TRIM33: variants seen among roughly 807,000 people sequenced by gnomAD.
The protein encoded by TRIM33 is E3 ubiquitin-protein ligase TRIM33.
In TRIM33, 20 loss-of-function variants were observed where a neutral mutation model predicts 125.4. The ratio of observed to expected loss-of-function variants is 0.16; its 90% CI spans 0.11 to 0.23. The LOEUF is 0.23. Among genes scored for constraint, TRIM33 ranks in the 10% least tolerant of loss-of-function variants. The pLI is 1.00. For missense variants in TRIM33, 920 were observed against 1,411.4 expected (o/e 0.65, Z 5.58); for synonymous variants, 564 against 513.9 (o/e 1.10, Z -1.32).
Position 114,397,405 on chromosome 1 carries a change from C to G in TRIM33, c.*243G>C, listed in dbSNP as rs1259504216. On this transcript the variant is annotated 3_prime_UTR_variant, in exon 20 of 20. Transcript: ENST00000358465. ...TCCATTAGAACAGAAATCCTCAAAT[C>G]ATTTCACTTTTGCTTTTTGCTTTGA... 5.9e-6 allele frequency: 3 copies of G among 512,058 alleles called. No homozygotes were observed. Among genetic ancestry groups the G allele is most frequent in the Non-Finnish European group, 1.0e-5 (3 of 289,734 alleles). The allele number at this position is 512,058 out of a possible 1,614,324, so 31.7% of individuals were successfully genotyped here. A position where few individuals can be genotyped will look rare whatever the true frequency, so the allele number is the denominator to read the frequency against.
In TRIM33 at chr1:114,402,853, A is replaced by C. The variant is rs1347919547; in HGVS notation, c.2799T>G (p.Asp933Glu). 1 of 1,614,042 alleles carries C rather than the reference A, an allele frequency of 6.2e-7. No homozygotes were observed. The highest frequency in any genetic ancestry group is 8.5e-7 in the Non-Finnish European group (1 of 1,179,972). Reference sequence around the variant, plus strand: ...CATATTCAACTTCTGGCTTTCCAATATCTCTACAAAATGTGCATATCCAGT... The same window carrying C: ...CATATTCAACTTCTGGCTTTCCAATCTCTCTACAAAATGTGCATATCCAGT... ...SGDWICTFCR[D>E]IGKPEVEYDC... is the part of the protein sequence containing the mutation. The change falls in exon 16 of 20, where the codon GAT (aspartate) becomes GAG (glutamate). Residue 933 changes from aspartate to glutamate, a missense_variant. Asp to Glu is a conservative substitution (Grantham distance 45). Transcript: ENST00000358465.
chr1:114,399,529 T>C lies in TRIM33; in HGVS notation c.3048A>G (p.Gln1016=), dbSNP rs762349295. ...CAAAGTCATCCGGGATTTGGTAGTG[T>C]TGGGAATGTTTTTTCTGAAGCTTCT... ...VKKKLQKKHS[Q]HYQIPDDFVA... The change falls in exon 18 of 20, where the codon CAA becomes CAG. Residue 1016 remains glutamine (Q), a synonymous_variant. Transcript: ENST00000358465. 8.1e-6 allele frequency: 13 copies of C among 1,613,296 alleles called. No individual in the cohort carries two copies. In the Admixed American group the frequency reaches 1.3e-4, roughly 17 times the overall value.
At chr1:114,450,480 C>T (rs756900355) in intron 4 of TRIM33, among the ~76,000 whole-genome samples, 2 of 152,162 alleles carry the variant, frequency 1.3e-5, no homozygotes, top group Non-Finnish European at 2.9e-5. Context: ...TACAAGCATG[C>T]ACCACCACAC....
chr1:114,499,153 G>A lies in TRIM33; in HGVS notation c.526+11398C>T, dbSNP rs377389602. ...GTTTTAACCCAGAATTTCATATCCAGCCAAGCTATCATTTAAGAAGGGAGT... is the reference window on the plus strand; with the variant it reads ...GTTTTAACCCAGAATTTCATATCCAACCAAGCTATCATTTAAGAAGGGAGT... On this transcript the variant is annotated intron_variant, in intron 1 of 19. Transcript: ENST00000358465. 1.9e-4 allele frequency among the ~76,000 whole-genome samples: 29 copies of A among 152,244 alleles called. 1 individual carries two copies. The highest frequency in any genetic ancestry group is 3.4e-3 in the Middle Eastern group (1 of 294).
At chr1:114,492,859 C>T (rs1243414399) in intron 1 of TRIM33, among the ~76,000 whole-genome samples, 1 of 152,174 alleles carries the variant, frequency 6.6e-6, no homozygotes, top group East Asian at 1.9e-4. Flanking sequence ...GTGAATAATG[C>T]TGCAATTAAT....
chr1:114,481,920 A>G (rs1651384652), intron 1 of TRIM33, among the ~76,000 whole-genome samples: 2 of 151,836 alleles, frequency 1.3e-5, no homozygotes, highest in South Asian at 4.2e-4. Flanking sequence ...CACCATGCCC[A>G]GCTAATATTT....
At chr1:114,435,714 T>C (rs1648234517) in intron 4 of TRIM33, among the ~76,000 whole-genome samples, 1 of 151,772 alleles carries the variant, frequency 6.6e-6, no homozygotes, top group African/African-American at 2.4e-5. Flanking sequence ...AAAATATACG[T>C]AGTAAAATTT....
intron 1 of TRIM33, among the ~76,000 whole-genome samples, chr1:114,486,546 CA>C (rs372795084): frequency 0.021 from 1,367 of 65,236 alleles, 7 homozygotes; most frequent in South Asian, 0.071. Flanking sequence ...GACCCTATCT[CA>C]AAAAAAAAAA....
rs777546366 is a variant in TRIM33, at chr1:114,399,495, C to T, written c.3082G>A (p.Val1028Ile). Reference sequence around the variant, plus strand: ...TCACAGTTCTTGAAGATCAAACGGACATCGGCCACAAAGTCATCCGGGATT... The same window carrying T: ...TCACAGTTCTTGAAGATCAAACGGATATCGGCCACAAAGTCATCCGGGATT... ...YQIPDDFVAD[V>I]RLIFKNCERF... The change falls in exon 18 of 20, where the codon GTC (valine) becomes ATC (isoleucine). Residue 1028 changes from valine to isoleucine, a missense_variant. By Grantham distance (29) the Val-to-Ile change is conservative. Around this residue, in one of 8 missense-constraint regions of TRIM33, gnomAD observed 122 missense variants for 236.8 expected, o/e 0.52. Coordinates refer to ENST00000358465, the MANE Select transcript of TRIM33 (RefSeq NM_015906.4). The T allele has an allele frequency of 1.9e-6, 3 of 1,613,732 alleles. No individual in the cohort carries two copies. Among genetic ancestry groups the T allele is most frequent in the East Asian group, 2.2e-5 (1 of 44,838 alleles).
intron 1 of TRIM33, among the ~76,000 whole-genome samples, chr1:114,488,897 CCA>C (rs1281115316): frequency 1.3e-5 from 2 of 152,146 alleles, no homozygotes; most frequent in African/African-American, 2.4e-5. Flanking sequence ...TGTGGTGTAG[CCA>C]CACATCTGTA....
rs2101062521 is a variant in TRIM33, at chr1:114,393,292, T to TAGTAGTGA, written c.*4355_*4356insTCACTACT. On this transcript the variant is annotated 3_prime_UTR_variant, in exon 20 of 20. Coordinates refer to ENST00000358465, the MANE Select transcript of TRIM33 (RefSeq NM_015906.4). The stretch of plus-strand genomic sequence containing the variant: ...CTTATGTATATGTTTCACTGTGTTT[T>TAGTAGTGA]AAAATGTAGTAGATGCCTACATTTT... 1 of 200,296 alleles carries TAGTAGTGA rather than the reference T, an allele frequency of 5.0e-6. No homozygotes were observed. The highest frequency in any genetic ancestry group is 1.9e-4 in the South Asian group (1 of 5,244). The allele number at this position is 200,296 out of a possible 1,614,324, so 12.4% of individuals were successfully genotyped here.
At chr1:114,466,274 T>TAGA (rs1331950941) in intron 1 of TRIM33, among the ~76,000 whole-genome samples, 1 of 152,188 alleles carries the variant, frequency 6.6e-6, no homozygotes, top group Non-Finnish European at 1.5e-5. Context: ...TAACTCTTCT[T>TAGA]AGAGTAAATC....
intron 1 of TRIM33, among the ~76,000 whole-genome samples, chr1:114,493,140 T>C (rs1652172411): frequency 6.6e-6 from 1 of 152,240 alleles, no homozygotes; most frequent in Non-Finnish European, 1.5e-5. Context: ...TACATTTCTC[T>C]TAATAACAAA....
chr1:114,433,209 A>G (rs1648077617), intron 5 of TRIM33, among the ~76,000 whole-genome samples: 1 of 152,214 alleles, frequency 6.6e-6, no homozygotes, highest in Admixed American at 6.5e-5. Flanking sequence ...TTCATCTTAT[A>G]ATGCTACTCA....
At chr1:114,411,204 C>T (rs186186552) in intron 11 of TRIM33, among the ~76,000 whole-genome samples, 145 of 152,094 alleles carry the variant, frequency 9.5e-4, no homozygotes, top group African/African-American at 3.3e-3. Context: ...CAACGCCTGG[C>T]TAATTTTTGT....
chr1:114,393,710 T>C lies in TRIM33; in HGVS notation c.*3938A>G. On this transcript the variant is annotated 3_prime_UTR_variant, in exon 20 of 20. Coordinates refer to ENST00000358465, the MANE Select transcript of TRIM33 (RefSeq NM_015906.4). The stretch of plus-strand genomic sequence containing the variant: ...GTACGTGTTGAATCTGAAATGTCTA[T>C]GTAAACTGTGGCATATAAATTTTTT... The C allele has an allele frequency of 4.7e-6, 1 of 213,546 alleles. No homozygotes were observed. Among genetic ancestry groups the C allele is most frequent in the Non-Finnish European group, 9.5e-6 (1 of 105,360 alleles). 13.2% of individuals were successfully genotyped at this position (213,546 alleles called of 1,614,324 possible). A position where few individuals can be genotyped will look rare whatever the true frequency, so the allele number is the denominator to read the frequency against.
chr1:114,424,783 G>A (rs113349188), intron 9 of TRIM33, 28 bp from the exon 10 acceptor site: 17 of 1,390,762 alleles, frequency 1.2e-5, no homozygotes, highest in African/African-American at 7.4e-5. Context: ...TGCAATTTAT[G>A]TAATAATTTT....
chr1:114,439,468 CAAAAAA>C (rs59231995), intron 4 of TRIM33, among the ~76,000 whole-genome samples: 2,689 of 45,776 alleles, frequency 0.059, 22 homozygotes, highest in South Asian at 0.12. Context: ...GACTCTGTAT[CAAAAAA>C]AAAAAAAAAA....
At chr1:114,411,870 T>C (rs902305968) in intron 11 of TRIM33, among the ~76,000 whole-genome samples, 2 of 152,214 alleles carry the variant, frequency 1.3e-5, no homozygotes, top group Non-Finnish European at 2.9e-5. Flanking sequence ...TTAATTCATT[T>C]ATTCATTAAA....
Sources: allele counts gnomAD v4.1 joint callset (sites outside exome capture counted in the v4.1 genomes callset), GRCh38; gene constraint gnomAD v4.1.1; regional missense constraint gnomAD v4.1.1; transcripts MANE v1.5; gene names NCBI Gene and HGNC (gene_info 2026-07-23, HGNC 2026-07-21).